The following HSDL2 variants were observed in gnomAD, a reference collection of about 807,000 sequenced individuals.
The protein encoded by HSDL2 is hydroxysteroid dehydrogenase like 2.
Under a neutral mutation model 46.3 loss-of-function variants are expected in HSDL2, and 27 were observed. The observed-to-expected ratio is 0.58, with a 90% CI of 0.43 to 0.80. The LOEUF (loss-of-function observed/expected upper bound fraction) is 0.80. Ranked by LOEUF, HSDL2 falls within the 30% of genes least tolerant of loss-of-function variation. The probability of loss-of-function intolerance (pLI) is 0.00; values close to 1 mark genes in which losing one functional copy is unlikely to be tolerated. For synonymous variants in HSDL2, 153 were observed against 163.6 expected (o/e 0.94, Z 0.50); for missense variants, 451 against 502.7 (o/e 0.90, Z 0.98).
chr9:112,404,531 C>T (rs1297407774), intron 2 of HSDL2, among the ~76,000 whole-genome samples: 1 of 150,242 alleles, frequency 6.7e-6, no homozygotes, highest in African/African-American at 2.5e-5. Flanking sequence ...GAGACTCCAT[C>T]TCTTAAAAAA....
intron 8 of HSDL2, among the ~76,000 whole-genome samples, chr9:112,449,685 G>A (rs1053996555): frequency 6.6e-6 from 1 of 151,996 alleles, no homozygotes; most frequent in African/African-American, 2.4e-5. Context: ...GCAACATGGC[G>A]AAATTCTGTC....
chr9:112,408,763 G>A (rs532618521), intron 3 of HSDL2, 144 bp from the exon 4 acceptor site: 31 of 539,154 alleles, frequency 5.7e-5, no homozygotes, highest in Non-Finnish European at 8.3e-5. Context: ...ACCATGTTGC[G>A]TATATGGGCC....
chr9:112,410,695 G>T (rs149952138), intron 4 of HSDL2, among the ~76,000 whole-genome samples: 2,430 of 152,204 alleles, frequency 0.016, 79 homozygotes, highest in African/African-American at 0.055. Context: ...GGGAGGCTGA[G>T]CCAGGCGGGT....
intron 7 of HSDL2, among the ~76,000 whole-genome samples, chr9:112,439,528 A>G (rs568136647): frequency 6.6e-6 from 1 of 152,322 alleles, no homozygotes; most frequent in South Asian, 2.1e-4. Flanking sequence ...TTTTTACCAT[A>G]TAGAATATGA....
At chr9:112,400,428 G>T (rs1587933358) in intron 1 of HSDL2, among the ~76,000 whole-genome samples, 2 of 152,300 alleles carry the variant, frequency 1.3e-5, no homozygotes, top group South Asian at 4.1e-4. Context: ...CCAACATGGT[G>T]AAACCCCATC....
chr9:112,431,174 T>C (rs1220311756), intron 6 of HSDL2, among the ~76,000 whole-genome samples: 4 of 151,750 alleles, frequency 2.6e-5, no homozygotes, highest in Non-Finnish European at 4.4e-5. Flanking sequence ...AGGGCAAGCT[T>C]AGGAATTGTG....
In HSDL2 at chr9:112,470,725, CAT is replaced by C. The variant is rs1444308729; in HGVS notation, c.*183_*184del. ...TAATTAAAATGGCAAGCTAATCAAA[CAT>C]AAGCTTCATTAAGTGGGATTCTAAG... On this transcript the variant is annotated 3_prime_UTR_variant, in exon 11 of 11. Coordinates refer to ENST00000398805, the MANE Select transcript of HSDL2 (RefSeq NM_032303.5). 2 of 473,818 alleles carry C rather than the reference CAT, an allele frequency of 4.2e-6. No individual in the cohort carries two copies. Among genetic ancestry groups the C allele is most frequent in the African/African-American group, 2.0e-5 (1 of 49,728 alleles). The allele number at this position is 473,818 out of a possible 1,614,324, so 29.4% of individuals were successfully genotyped here.
At chr9:112,454,323 ATTTG>A (rs1275950457) in intron 9 of HSDL2, among the ~76,000 whole-genome samples, 161 bp downstream of exon 9, 3 of 152,012 alleles carry the variant, frequency 2.0e-5, no homozygotes, top group Admixed American at 6.6e-5. Context: ...ATAACTATTG[ATTTG>A]TTTTTGTTGT....
intron 4 of HSDL2, among the ~76,000 whole-genome samples, chr9:112,416,492 C>T (rs944115992): frequency 6.6e-6 from 1 of 150,968 alleles, no homozygotes; most frequent in African/African-American, 2.4e-5. Context: ...CACCTGTAAA[C>T]CTATAATCCT....
chr9:112,380,240 GGGCCGCCGCGGATCGCCCGGGCT>G, intron 1 of HSDL2, 60 bp downstream of exon 1: 1 of 1,495,470 alleles, frequency 6.7e-7, no homozygotes, highest in Non-Finnish European at 9.0e-7. Context: ...CGTCTCGGTG[GGGCCGCCGCGGATCGCCCGGGCT>G]GGCCGGCCCG....
intron 1 of HSDL2, among the ~76,000 whole-genome samples, chr9:112,396,126 A>G (rs1220511458): frequency 6.6e-6 from 1 of 152,178 alleles, no homozygotes; most frequent in African/African-American, 2.4e-5. Context: ...GTTATGTGGA[A>G]TATTAATTTC....
chr9:112,441,618 T>C (rs1177958330), intron 7 of HSDL2, 81 bp from the exon 8 acceptor site: 16 of 863,314 alleles, frequency 1.9e-5, no homozygotes, highest in South Asian at 3.6e-5. Flanking sequence ...TTTAATAAAA[T>C]AGATATGTTT....
At chr9:112,452,745 AAAAT>A (rs1832917212) in intron 8 of HSDL2, among the ~76,000 whole-genome samples, 1 of 152,218 alleles carries the variant, frequency 6.6e-6, no homozygotes, top group Admixed American at 6.5e-5. Flanking sequence ...GACTGTCTCA[AAAAT>A]AAATAAAGGA....
At chr9:112,392,886 A>T (rs1233258952) in intron 1 of HSDL2, among the ~76,000 whole-genome samples, 1 of 152,216 alleles carries the variant, frequency 6.6e-6, no homozygotes, top group Non-Finnish European at 1.5e-5. Context: ...TTATAAAAGT[A>T]TTATTTGGGA....
At chr9:112,455,250 T>A (rs113023481) in intron 9 of HSDL2, among the ~76,000 whole-genome samples, 309 of 150,856 alleles carry the variant, frequency 2.0e-3, no homozygotes, top group African/African-American at 7.3e-3. Flanking sequence ...CTCAAACAAA[T>A]AAAAGTTAAG....
chr9:112,404,391 G>A (rs939766055), intron 2 of HSDL2, among the ~76,000 whole-genome samples: 2 of 152,100 alleles, frequency 1.3e-5, no homozygotes, highest in Admixed American at 6.6e-5. Flanking sequence ...ATGGCGGGGC[G>A]TGGTGACTCA....
intron 1 of HSDL2, among the ~76,000 whole-genome samples, chr9:112,398,059 G>A (rs556485485): frequency 6.6e-6 from 1 of 152,282 alleles, no homozygotes; most frequent in African/African-American, 2.4e-5. Flanking sequence ...GGAAAAGTAT[G>A]TGTAGATAAG....
rs1831578513 is a variant in HSDL2 at position 112,401,012 on chromosome 9, C to G, written c.18-2983C>G. Among the ~76,000 whole-genome samples, 3 of 152,164 alleles carry G rather than the reference C, an allele frequency of 2.0e-5. No individual in the cohort carries two copies. In the South Asian group the frequency reaches 6.2e-4, roughly 31 times the overall value. On this transcript the variant is annotated intron_variant, in intron 1 of 10. Coordinates refer to ENST00000398805, the MANE Select transcript of HSDL2 (RefSeq NM_032303.5). ...ACTTCCACATGCTTTTTGGGGGACA[C>G]AATTCAATCAATAACAGGGAGATAA...
chr9:112,397,232 G>A (rs559199406), intron 1 of HSDL2, among the ~76,000 whole-genome samples: 11 of 152,208 alleles, frequency 7.2e-5, no homozygotes, highest in Non-Finnish European at 8.8e-5. Context: ...TTCATAGCCC[G>A]TGCCCACAGA....
Sources: gnomAD v4.1 joint callset for allele counts (sites outside exome capture counted in the v4.1 genomes callset) on GRCh38, gnomAD v4.1.1 for gene constraint, MANE v1.5 for transcripts, NCBI Gene and HGNC (gene_info 2026-07-23, HGNC 2026-07-21) for gene names.